The following SPACA3 variants were observed in gnomAD, a reference collection of about 807,000 sequenced individuals.
The protein encoded by SPACA3 is sperm acrosome associated 3, also known as sperm acrosome membrane-associated protein 3.
A neutral mutation model predicts 24.5 loss-of-function variants in SPACA3; 21 were observed. The observed-to-expected ratio is 0.86, with a 90% CI of 0.61 to 1.24. SPACA3 has a LOEUF of 1.24. Among genes scored for constraint, SPACA3 ranks in the 50% most tolerant of loss-of-function variants. The pLI is 0.00. For missense variants in SPACA3, 278 were observed against 275.5 expected, an observed-to-expected ratio of 1.01 and a Z score of -0.06; for synonymous variants, 115 against 106.9, an observed-to-expected ratio of 1.08 and a Z score of -0.47.
chr17:32,995,321 T>A, intron 1 of SPACA3, 88 bp from the exon 2 acceptor site: 1 of 1,283,834 alleles, frequency 7.8e-7, no homozygotes, highest in South Asian at 1.4e-5. Context: ...GGGGTCAGGG[T>A]GATGCTGATC....
At chr17:32,993,911 A>G (rs1473080491) in intron 1 of SPACA3, among the ~76,000 whole-genome samples, 1 of 152,080 alleles carries the variant, frequency 6.6e-6, no homozygotes, top group Non-Finnish European at 1.5e-5. Flanking sequence ...TCTAGAGCTT[A>G]GAGGGAAGAT....
At chr17:32,993,060 A>G in intron 1 of SPACA3, 2 of 412,178 alleles carry the variant, frequency 4.9e-6, no homozygotes, top group Middle Eastern at 3.7e-4. Flanking sequence ...TCCACAGGAC[A>G]TTGGGACTGA....
chr17:32,993,612 A>G (rs17734411), intron 1 of SPACA3, among the ~76,000 whole-genome samples: 18,314 of 152,000 alleles, frequency 0.12, 1,564 homozygotes, highest in Non-Finnish European at 0.19. Flanking sequence ...GCCTCCTTGG[A>G]CCCGCAGAGC....
chr17:32,995,257 T>G, intron 1 of SPACA3, 152 bp from the exon 2 acceptor site: 2 of 674,696 alleles, frequency 3.0e-6, no homozygotes, highest in South Asian at 4.4e-5. Flanking sequence ...GTTTTCTTCC[T>G]GTCTCTGGCC....
chr17:32,995,352 A>G, intron 1 of SPACA3, 57 bp from the exon 2 acceptor site: 1 of 1,500,894 alleles, frequency 6.7e-7, no homozygotes, highest in South Asian at 1.3e-5. Flanking sequence ...GGGGGCTGAT[A>G]CGTGCTGCTG....
intron 3 of SPACA3, 128 bp downstream of exon 3, chr17:32,997,129 G>T: frequency 8.8e-7 from 1 of 1,134,366 alleles, no homozygotes; most frequent in Non-Finnish European, 1.2e-6. Flanking sequence ...GCCCACGGAG[G>T]AGAGGGAGAT....
Position 32,995,573 on chromosome 17 carries a change from G to T in SPACA3, c.199G>T (p.Ala67Ser), listed in dbSNP as rs764188181. 1 of 1,614,196 alleles carries T rather than the reference G, an allele frequency of 6.2e-7. No homozygotes were observed. Among genetic ancestry groups the T allele is most frequent in the Non-Finnish European group, 8.5e-7 (1 of 1,180,036 alleles). The stretch of plus-strand genomic sequence containing the variant: ...GGCTCTCAGAAGGCGGTGGTGCCCA[G>T]CTGGGATCATGTTGTTGGCCCTGGT... ...SRALRRRWCP[A>S]GIMLLALVCL... The change falls in exon 2 of 5, where the codon GCT (alanine) becomes TCT (serine). Residue 67 changes from alanine to serine, a missense_variant. By Grantham distance (99) the Ala-to-Ser change is moderately conservative. Transcript: ENST00000269053.
chr17:32,997,339 G>T (rs1380046778), intron 3 of SPACA3, 106 bp from the exon 4 acceptor site: 1 of 800,382 alleles, frequency 1.2e-6, no homozygotes, highest in Admixed American at 2.2e-5. Context: ...GTGTGTGTGT[G>T]TGTGTAGAGA....
At chr17:32,992,097 C>A (rs2151126900) in intron 1 of SPACA3, 125 bp downstream of exon 1, 3 of 927,056 alleles carry the variant, frequency 3.2e-6, no homozygotes, top group Middle Eastern at 4.4e-4. Flanking sequence ...GAAGAGTGAC[C>A]AGCTGAGAGA....
In SPACA3 at chr17:32,997,821, G is replaced by A. The variant is rs576540621; in HGVS notation, c.*43G>A. 1.2e-6 allele frequency: 2 copies of A among 1,603,128 alleles called. No individual in the cohort carries two copies. Among genetic ancestry groups the A allele is most frequent in the African/African-American group, 1.3e-5 (1 of 74,784 alleles). The stretch of plus-strand genomic sequence containing the variant: ...ACAGCAGGCTGGGAAATGTGGTTTG[G>A]TTCCTGACCTAGGCTTGGGAAGACA... On this transcript the variant is annotated 3_prime_UTR_variant, in exon 5 of 5. Transcript: ENST00000269053.
intron 2 of SPACA3, 27 bp downstream of exon 2, chr17:32,995,744 CTGACT>C (rs1360202539): frequency 6.3e-7 from 1 of 1,598,550 alleles, no homozygotes; most frequent in African/African-American, 1.3e-5. Flanking sequence ...CTGGCGGGCC[CTGACT>C]TCCCCACACC....
chr17:32,992,955 A>G (rs1426513385), intron 1 of SPACA3: 1 of 471,032 alleles, frequency 2.1e-6, no homozygotes, highest in East Asian at 6.9e-5. Flanking sequence ...ATAGCTTGGA[A>G]GAGTGGTTGA....
rs1391559721 is a variant in SPACA3, at chr17:32,992,010, G to A, written c.34+38G>A. 3 of 1,610,774 alleles carry A rather than the reference G, an allele frequency of 1.9e-6. No individual in the cohort carries two copies. In the Admixed American group the frequency reaches 5.0e-5, roughly 27 times the overall value. On this transcript the variant is annotated intron_variant, in intron 1 of 4. Coordinates refer to ENST00000269053, the MANE Select transcript of SPACA3 (RefSeq NM_173847.5). ...TCCCTTCTTCCTGGGGCTGTTAACAGGGGCGCTGGGTTGGTCTGGCCAGAG... is the reference window on the plus strand; with the variant it reads ...TCCCTTCTTCCTGGGGCTGTTAACAAGGGCGCTGGGTTGGTCTGGCCAGAG...
chr17:32,994,002 C>A (rs1286261697), intron 1 of SPACA3, among the ~76,000 whole-genome samples: 1 of 152,022 alleles, frequency 6.6e-6, no homozygotes, highest in Admixed American at 6.5e-5. Flanking sequence ...GATGAGTTTG[C>A]AAGTGAGCAG....
At position 32,995,669 on chromosome 17, in the gene SPACA3, C is replaced by A. The variant is rs2091717625; in HGVS notation, c.295C>A (p.Leu99Ile). 1.9e-6 allele frequency: 3 copies of A among 1,614,216 alleles called. No homozygotes were observed. In the South Asian group the frequency reaches 3.3e-5, roughly 18 times the overall value. Reference sequence around the variant, plus strand: ...CGGTCGTTGTGAACTGGCCAGAGTGCTACATGACTTCGGGCTGGACGGATA... The same window carrying A: ...CGGTCGTTGTGAACTGGCCAGAGTGATACATGACTTCGGGCTGGACGGATA... The part of the protein sequence containing the change: ...LYGRCELARV[L>I]HDFGLDGYRG... The change falls in exon 2 of 5, where the codon CTA becomes ATA. Residue 99 changes from leucine (L) to isoleucine (I), a missense_variant. Transcript: ENST00000269053.
chr17:32,997,312 A>AGTGTGTGTGT lies in SPACA3; in HGVS notation c.503-110_503-101dup, dbSNP rs376224282. ...GACAGGATTGGATTTAGGCGAGTGG[A>AGTGTGTGTGT]GTGTGTGTGTGTGTGTGTGTGTGTG... On this transcript the variant is annotated intron_variant, in intron 3 of 4. Transcript: ENST00000269053. The AGTGTGTGTGT allele has an allele frequency of 1.1e-3, 566 of 510,460 alleles. 1 individual carries two copies. Among genetic ancestry groups the AGTGTGTGTGT allele is most frequent in the African/African-American group, 3.2e-3 (139 of 42,970 alleles). 31.6% of individuals were successfully genotyped at this position (510,460 alleles called of 1,614,324 possible).
Position 32,997,831 on chromosome 17 carries a change from T to A in SPACA3, c.*53T>A. ...GGGAAATGTGGTTTGGTTCCTGACC[T>A]AGGCTTGGGAAGACAAGCCAGCGAA... On this transcript the variant is annotated 3_prime_UTR_variant, in exon 5 of 5. Coordinates refer to ENST00000269053, the MANE Select transcript of SPACA3 (RefSeq NM_173847.5). The A allele has an allele frequency of 6.3e-7, 1 of 1,585,464 alleles. No individual in the cohort carries two copies. The highest frequency in any genetic ancestry group is 1.3e-5 in the African/African-American group (1 of 74,418).
intron 3 of SPACA3, 52 bp from the exon 4 acceptor site, chr17:32,997,393 A>T: frequency 6.9e-7 from 1 of 1,458,950 alleles, no homozygotes; most frequent in Non-Finnish European, 9.6e-7. Context: ...ACACACACAC[A>T]CACCTGGATG....
chr17:32,993,966 GT>G (rs1297081104), intron 1 of SPACA3, among the ~76,000 whole-genome samples: 1 of 152,122 alleles, frequency 6.6e-6, no homozygotes, highest in African/African-American at 2.4e-5. Context: ...CAATGACGGG[GT>G]GGAGATGAGG....
Sources: allele counts gnomAD v4.1 joint callset (sites outside exome capture counted in the v4.1 genomes callset), GRCh38; gene constraint gnomAD v4.1.1; transcripts MANE v1.5; gene names NCBI Gene and HGNC (gene_info 2026-07-23, HGNC 2026-07-21).